The following KIRREL3 variants were observed in gnomAD, a reference collection of about 807,000 sequenced individuals.
The protein encoded by KIRREL3 is kin of IRRE-like protein 3.
KIRREL3 carries 36 observed loss-of-function variants against 89.7 expected under a neutral mutation model. The ratio of observed to expected loss-of-function variants is 0.40; its 90% confidence interval spans 0.31 to 0.53. The LOEUF is 0.53. KIRREL3 is among the 20% of genes least tolerant of loss of function. KIRREL3 has a pLI of 0.49. For missense variants in KIRREL3, 864 were observed against 1,056.6 expected, an observed-to-expected ratio of 0.82 and a Z score of 2.53; for synonymous variants, 445 against 441.4, an observed-to-expected ratio of 1.01 and a Z score of -0.10.
At chr11:126,932,266 C>T (rs1436622094) in intron 1 of KIRREL3, among the ~76,000 whole-genome samples, 1 of 152,182 alleles carries the variant, frequency 6.6e-6, no homozygotes, top group Admixed American at 6.5e-5. Flanking sequence ...GGCCCTATTT[C>T]AAGGCTGATT....
At chr11:126,861,410 G>A (rs1944700977) in intron 1 of KIRREL3, among the ~76,000 whole-genome samples, 1 of 151,922 alleles carries the variant, frequency 6.6e-6, no homozygotes, top group Admixed American at 6.6e-5. Context: ...AGTGATACGG[G>A]GCAGAGAAAG....
chr11:126,938,205 C>T (rs1465817599), intron 1 of KIRREL3, among the ~76,000 whole-genome samples: 1 of 152,214 alleles, frequency 6.6e-6, no homozygotes, highest in Non-Finnish European at 1.5e-5. Flanking sequence ...CTTTGAAAAA[C>T]TCTGCAACCC....
chr11:126,845,939 G>T (rs1285174430), intron 1 of KIRREL3, among the ~76,000 whole-genome samples: 1 of 152,000 alleles, frequency 6.6e-6, no homozygotes, highest in African/African-American at 2.4e-5. Flanking sequence ...CCTTGTTTGG[G>T]GGGAAAAAAC....
chr11:126,725,131 G>A (rs769374235), intron 1 of KIRREL3, among the ~76,000 whole-genome samples: 2 of 152,180 alleles, frequency 1.3e-5, no homozygotes, highest in Non-Finnish European at 2.9e-5. Flanking sequence ...GACATTAGGG[G>A]TTATTTCTTA....
rs1378504577 is a variant in KIRREL3 at position 126,763,809 on chromosome 11, T to C, written c.56-200897A>G. On this transcript the variant is annotated intron_variant, in intron 1 of 16. Coordinates refer to ENST00000525144, the MANE Select transcript of KIRREL3 (RefSeq NM_032531.4). This position sits in a 1 kb window ranked among gnomAD's most constrained non-coding sequence, Gnocchi z 4.7. ...TGACACACAGTAGGCACTGAGTAAATTCTAGCTTCCCTGGTGTCCCCTCTC... is the reference window on the plus strand; with the variant it reads ...TGACACACAGTAGGCACTGAGTAAACTCTAGCTTCCCTGGTGTCCCCTCTC... Among the ~76,000 whole-genome samples the C allele has an allele frequency of 6.6e-6, 1 of 152,018 alleles. No individual in the cohort carries two copies. Among genetic ancestry groups the C allele is most frequent in the Non-Finnish European group, 1.5e-5 (1 of 67,980 alleles).
At chr11:126,721,912 C>T (rs528476780) in intron 1 of KIRREL3, among the ~76,000 whole-genome samples, 30 of 152,318 alleles carry the variant, frequency 2.0e-4, no homozygotes, top group African/African-American at 7.2e-4. Context: ...CAAAAAGCCT[C>T]ACAGTCCAAA....
chr11:126,728,520 G>A (rs559353444), intron 1 of KIRREL3, among the ~76,000 whole-genome samples: 42 of 152,260 alleles, frequency 2.8e-4, no homozygotes, highest in African/African-American at 9.6e-4. Context: ...TGGCCCCTGC[G>A]GAGCTCAGGG....
In KIRREL3 at chr11:126,520,455, G is replaced by A. The variant is rs745610306; in HGVS notation, c.433+860C>T. Among the ~76,000 whole-genome samples the A allele has an allele frequency of 2.8e-4, 42 of 152,298 alleles. No homozygotes were observed. The highest frequency in any genetic ancestry group is 3.7e-4 in the Non-Finnish European group (25 of 68,030). ...AACAGTCCCTGTCCCACCGAGCAGCGTCAGGAACAGCGGAGGTCATGTGCC... is the reference window on the plus strand; with the variant it reads ...AACAGTCCCTGTCCCACCGAGCAGCATCAGGAACAGCGGAGGTCATGTGCC... On this transcript the variant is annotated intron_variant, in intron 4 of 16. Coordinates refer to ENST00000525144, the MANE Select transcript of KIRREL3 (RefSeq NM_032531.4). The surrounding 1 kb of genome is among the most constrained non-coding windows in gnomAD (Gnocchi z 4.9).
chr11:126,518,259 C>T (rs1180696679), intron 4 of KIRREL3, among the ~76,000 whole-genome samples: 5 of 152,250 alleles, frequency 3.3e-5, no homozygotes, highest in Non-Finnish European at 7.3e-5. Context: ...CATGCCTTCC[C>T]TAGGGCCCAG....
chr11:126,467,958 C>T (rs140666139), intron 5 of KIRREL3, among the ~76,000 whole-genome samples: 1 of 152,112 alleles, frequency 6.6e-6, no homozygotes, highest in Admixed American at 6.5e-5. Context: ...GGGCACTTAT[C>T]CCTTTCCTGA....
At chr11:126,630,515 A>T (rs1943974678) in intron 1 of KIRREL3, among the ~76,000 whole-genome samples, 1 of 152,118 alleles carries the variant, frequency 6.6e-6, no homozygotes, top group Non-Finnish European at 1.5e-5. Context: ...TGGGGAAGTG[A>T]GTAGGGCTTT....
rs776304383 is a variant in KIRREL3, at chr11:126,442,460, C to T, written c.1253-1911G>A. ...CTGCTTCTTAAAAGAAAATGAAAAC[C>T]AGGATAAAGGGAAATGGGGTGAGGG... On this transcript the variant is annotated intron_variant, in intron 10 of 16. Transcript: ENST00000525144. Among the ~76,000 whole-genome samples the T allele has an allele frequency of 5.5e-4, 83 of 152,012 alleles. No individual in the cohort carries two copies. In the Middle Eastern group the frequency reaches 0.014, roughly 25 times the overall value.
Position 126,668,962 on chromosome 11 carries a change from T to G in KIRREL3, c.56-106050A>C, listed in dbSNP as rs1344229010. Reference sequence around the variant, plus strand: ...GGGTGCTGGGTACTGACAGTAAGAGTGTCCAGGATGAGGGAATGCATGTTT... The same window carrying G: ...GGGTGCTGGGTACTGACAGTAAGAGGGTCCAGGATGAGGGAATGCATGTTT... On this transcript the variant is annotated intron_variant, in intron 1 of 16. Transcript: ENST00000525144. This position sits in a 1 kb window ranked among gnomAD's most constrained non-coding sequence, Gnocchi z 4.4. Among the ~76,000 whole-genome samples, 1 of 151,876 alleles carries G rather than the reference T, an allele frequency of 6.6e-6. No homozygotes were observed. The highest frequency in any genetic ancestry group is 1.5e-5 in the Non-Finnish European group (1 of 67,994).
chr11:126,439,227 A>G (rs1253322738), intron 11 of KIRREL3, among the ~76,000 whole-genome samples: 2 of 152,098 alleles, frequency 1.3e-5, no homozygotes, highest in Non-Finnish European at 2.9e-5. Flanking sequence ...GTTACTTGGA[A>G]GGTTGAGGCA....
chr11:126,988,088 A>G (rs886420253), intron 1 of KIRREL3, among the ~76,000 whole-genome samples: 2 of 152,200 alleles, frequency 1.3e-5, no homozygotes, highest in Admixed American at 6.5e-5. Flanking sequence ...GAAGTTCTGG[A>G]AAGTCTTTTT....
chr11:126,695,009 C>T (rs773054410), intron 1 of KIRREL3, among the ~76,000 whole-genome samples: 12 of 152,192 alleles, frequency 7.9e-5, no homozygotes, highest in Admixed American at 1.3e-4. Flanking sequence ...CTGGCTGAAT[C>T]GGGCTGCTGT....
At chr11:126,735,804 C>T (rs1948781717) in intron 1 of KIRREL3, among the ~76,000 whole-genome samples, 2 of 152,314 alleles carry the variant, frequency 1.3e-5, no homozygotes, top group South Asian at 4.1e-4. Flanking sequence ...TTTCTCATTG[C>T]TTCCTTTCTC....
At chr11:126,661,405 C>T (rs959586347) in intron 1 of KIRREL3, among the ~76,000 whole-genome samples, 13 of 152,196 alleles carry the variant, frequency 8.5e-5, no homozygotes, top group African/African-American at 2.9e-4. Flanking sequence ...TCCCAAATAA[C>T]GACGAGAGAT....
intron 1 of KIRREL3, among the ~76,000 whole-genome samples, chr11:126,600,873 G>C (rs144099581): frequency 2.0e-5 from 3 of 152,158 alleles, no homozygotes; most frequent in East Asian, 3.9e-4. Flanking sequence ...CTTCAGTTAG[G>C]GTTACTGTTC....
Sources: allele counts gnomAD v4.1 joint callset (sites outside exome capture counted in the v4.1 genomes callset), GRCh38; gene constraint gnomAD v4.1.1; non-coding constraint Gnocchi (gnomAD v3.1); transcripts MANE v1.5; gene names NCBI Gene and HGNC (gene_info 2026-07-23, HGNC 2026-07-21).